ACOD1: variants seen among roughly 807,000 people sequenced by gnomAD.
ACOD1 encodes aconitate decarboxylase 1.
A neutral mutation model predicts 14.2 loss-of-function variants in ACOD1; 14 were observed. The ratio of observed to expected loss-of-function variants is 0.99; its 90% CI spans 0.65 to 1.54. The LOEUF is 1.54. Ranked by LOEUF, ACOD1 falls within the 40% of genes most tolerant of loss-of-function variation. The pLI is 0.00. For missense variants in ACOD1, 530 were observed against 586.3 expected (o/e 0.90, Z 0.99); for synonymous variants, 182 against 221.7 (o/e 0.82, Z 1.59).
chr13:76,953,742 A>C, intron 3 of ACOD1, 53 bp downstream of exon 3: 1 of 1,137,444 alleles, frequency 8.8e-7, no homozygotes, highest in South Asian at 1.3e-5. Context: ...ATAATTTTAG[A>C]GTCAGGAAAT....
Position 76,955,445 on chromosome 13 carries a change from C to A in ACOD1, c.391C>A (p.Leu131Met), listed in dbSNP as rs2033865670. Residue 131 changes from leucine (L) to methionine (M), a missense_variant, in exon 4 of 5, where the codon CTG becomes ATG. By Grantham distance (15) the Leu-to-Met change is conservative. Transcript: ENST00000377462. ...TCCAAAGTTTTCTGGCCTTGACCTG[C>A]TGCTGGCTTTCAATGTTGGTATTGA... Reference protein sequence around the residue: ...RSPKFSGLDLLLAFNVGIEVQ... With the variant: ...RSPKFSGLDLMLAFNVGIEVQ... The A allele has an allele frequency of 1.3e-6, 2 of 1,550,666 alleles. No individual in the cohort carries two copies. Among genetic ancestry groups the A allele is most frequent in the Non-Finnish European group, 1.7e-6 (2 of 1,146,998 alleles).
chr13:76,951,764 CAG>C (rs1027229357), intron 1 of ACOD1, among the ~76,000 whole-genome samples: 3 of 152,120 alleles, frequency 2.0e-5, no homozygotes, highest in African/African-American at 7.2e-5. Flanking sequence ...CTAATGAAAA[CAG>C]AATCCTGTGC....
At chr13:76,953,460 C>A in intron 2 of ACOD1, 140 bp from the exon 3 acceptor site, 1 of 567,642 alleles carries the variant, frequency 1.8e-6, no homozygotes, top group Non-Finnish European at 3.2e-6. Context: ...GAGAGGTATT[C>A]AATGACTAGG....
At position 76,957,883 on chromosome 13, in the gene ACOD1, A is replaced by T; in HGVS notation, c.1344A>T (p.Leu448=). ...AGATAGTCAAAAATCTAGAAGACCT[A>T]GAAGACTGTTCTGTGTTAACTACAC... ...LIKIVKNLED[L]EDCSVLTTLL... Residue 448 remains leucine, a synonymous_variant, in exon 5 of 5, where the codon CTA becomes CTT. Transcript: ENST00000377462. 6.4e-7 allele frequency: 1 copy of T among 1,551,044 alleles called. No homozygotes were observed. Among genetic ancestry groups the T allele is most frequent in the Non-Finnish European group, 8.7e-7 (1 of 1,147,086 alleles).
intron 3 of ACOD1, 37 bp from the exon 4 acceptor site, chr13:76,955,282 T>G: frequency 6.6e-7 from 1 of 1,524,056 alleles, no homozygotes; most frequent in Non-Finnish European, 8.9e-7. Flanking sequence ...AGGGAAAATT[T>G]AAGGCTTTTT....
At chr13:76,949,824 CCT>C (rs1396776528) in intron 1 of ACOD1, among the ~76,000 whole-genome samples, 1 of 152,110 alleles carries the variant, frequency 6.6e-6, no homozygotes, top group Non-Finnish European at 1.5e-5. Flanking sequence ...ACCCTTTCTT[CCT>C]CTCTCTTTCT....
chr13:76,957,141 A>G lies in ACOD1; in HGVS notation c.602A>G (p.Asn201Ser). The G allele has an allele frequency of 6.4e-7, 1 of 1,550,666 alleles. No individual in the cohort carries two copies. Among genetic ancestry groups the G allele is most frequent in the Non-Finnish European group, 8.7e-7 (1 of 1,147,014 alleles). The change falls in exon 5 of 5, where the codon AAT becomes AGT. Residue 201 changes from asparagine (N) to serine (S), a missense_variant. Asn to Ser is a conservative substitution (Grantham distance 46, BLOSUM62 1). Transcript: ENST00000377462. ...TCCCATGCTGGGGCACCCATGGCCA[A>G]TGCTGCCACCCAGACCAAGCCCCTC... ...AVSHAGAPMA[N>S]AATQTKPLHI...
intron 1 of ACOD1, 125 bp from the exon 2 acceptor site, chr13:76,952,364 G>C (rs1428260778): frequency 5.4e-6 from 4 of 737,556 alleles, no homozygotes; most frequent in Non-Finnish European, 8.6e-6. Flanking sequence ...AACTAAATCT[G>C]AGCAACTGGG....
Position 76,952,586 on chromosome 13 carries a change from C to G in ACOD1, c.110C>G (p.Thr37Ser). ...IQRSKRMILD[T>S]LGAGFLGTTT... ...AGGAGCAAGAGGATGATTCTAGACA[C>G]TCTGGGTGCTGGGTTCCTGGGAACC... is the stretch of plus-strand genomic sequence containing the variant. Residue 37 changes from threonine to serine, a missense_variant, in exon 2 of 5, where the codon ACT becomes AGT. Thr to Ser is a moderately conservative substitution (Grantham distance 58). Coordinates refer to ENST00000377462, the MANE Select transcript of ACOD1 (RefSeq NM_001258406.2). 10 of 1,550,506 alleles carry G rather than the reference C, an allele frequency of 6.4e-6. No individual in the cohort carries two copies. Among genetic ancestry groups the G allele is most frequent in the Non-Finnish European group, 8.7e-6 (10 of 1,146,962 alleles).
chr13:76,955,249 G>A, intron 3 of ACOD1, 70 bp from the exon 4 acceptor site: 1 of 1,133,992 alleles, frequency 8.8e-7, no homozygotes, highest in Non-Finnish European at 1.3e-6. Flanking sequence ...TAAGTCCTTA[G>A]TGGTCCAAAA....
rs1192867556 is a variant in ACOD1, at chr13:76,952,524, C to T, written c.48C>T (p.Gly16=). The change falls in exon 2 of 5, where the codon GGC becomes GGT. Residue 16 remains glycine, a synonymous_variant. Transcript: ENST00000377462. The part of the protein sequence containing the change: ...ITESFATAIH[G]LKVGHLTDRV... ...AAAGCTTTGCCACAGCAATCCATGGCTTGAAAGTGGGACACCTGACAGATC... is the reference window on the plus strand; with the variant it reads ...AAAGCTTTGCCACAGCAATCCATGGTTTGAAAGTGGGACACCTGACAGATC... The T allele has an allele frequency of 6.4e-7, 1 of 1,550,448 alleles. No individual in the cohort carries two copies. Among genetic ancestry groups the T allele is most frequent in the Admixed American group, 2.0e-5 (1 of 50,992 alleles).
Position 76,952,643 on chromosome 13 carries a change from A to C in ACOD1, c.167A>C (p.Tyr56Ser). The C allele has an allele frequency of 1.3e-6, 2 of 1,550,022 alleles. No individual in the cohort carries two copies. Among genetic ancestry groups the C allele is most frequent in the Non-Finnish European group, 1.7e-6 (2 of 1,146,810 alleles). ...GAAGTGTTTCACATAGCCAGCCAAT[A>C]TAGCAAGGTAAGAAGCTCAAGGTCT... ...TTEVFHIASQ[Y>S]SKIYSSNISS... The change falls in exon 2 of 5, where the codon TAT becomes TCT. Residue 56 changes from tyrosine to serine, a missense_variant. By Grantham distance (144) the Tyr-to-Ser change is moderately radical (BLOSUM62 -2). Transcript: ENST00000377462.
chr13:76,955,067 C>A (rs1458925900), intron 3 of ACOD1, among the ~76,000 whole-genome samples: 1 of 138,050 alleles, frequency 7.2e-6, no homozygotes, highest in Non-Finnish European at 1.5e-5. Context: ...GCAGAGGTTG[C>A]AGTGAGCCAG....
chr13:76,951,709 A>G (rs2033823354), intron 1 of ACOD1, among the ~76,000 whole-genome samples: 6 of 152,166 alleles, frequency 3.9e-5, no homozygotes, highest in Admixed American at 3.9e-4. Flanking sequence ...TAGCTGCCAT[A>G]TTGTACGTAA....
At chr13:76,955,126 C>CAAAAAAAAAAAAAAAAA (rs34230053) in intron 3 of ACOD1, among the ~76,000 whole-genome samples, 193 bp from the exon 4 acceptor site, 4 of 98,874 alleles carry the variant, frequency 4.0e-5, no homozygotes, top group Admixed American at 1.1e-4. Flanking sequence ...GACTCTGTCT[C>CAAAAAAAAAAAAAAAAA]AAAAAAAAAA....
In ACOD1 at chr13:76,957,416, C is replaced by T. The variant is rs1482411473; in HGVS notation, c.877C>T (p.His293Tyr). ...AGACGCAGCTGCATCTGTGAGAAAG[C>T]ACCTTGTAGCAGAGAGAGCCCTGCT... Reference protein sequence around the residue: ...VADAAASVRKHLVAERALLPT... With the variant: ...VADAAASVRKYLVAERALLPT... The change falls in exon 5 of 5, where the codon CAC (histidine) becomes TAC (tyrosine). Residue 293 changes from histidine (H) to tyrosine (Y), a missense_variant. Physicochemically the swap from His to Tyr is moderately conservative, Grantham distance 83. Coordinates refer to ENST00000377462, the MANE Select transcript of ACOD1 (RefSeq NM_001258406.2). 1.9e-6 allele frequency: 3 copies of T among 1,550,534 alleles called. No individual in the cohort carries two copies. The highest frequency in any genetic ancestry group is 2.7e-5 in the African/African-American group (2 of 73,066).
chr13:76,953,607 G>C lies in ACOD1; in HGVS notation c.182G>C (p.Ser61Thr), dbSNP rs2033844407. ...HIASQYSKIY[S>T]SNISSTVWGQ... is the part of the protein sequence containing the mutation. ...GATTTGCTTTTGTTCCAGATCTACA[G>C]TTCCAACATATCCAGCACTGTTTGG... The change falls in exon 3 of 5, where the codon AGT becomes ACT. Residue 61 changes from serine to threonine, a missense_variant. Transcript: ENST00000377462. 6 of 1,544,380 alleles carry C rather than the reference G, an allele frequency of 3.9e-6. No homozygotes were observed. In the East Asian group the frequency reaches 1.5e-4, roughly 38 times the overall value.
intron 3 of ACOD1, among the ~76,000 whole-genome samples, chr13:76,954,467 T>C (rs1475271172): frequency 6.6e-6 from 1 of 152,194 alleles, no homozygotes. Context: ...CAGAAAATAA[T>C]GATTTTTAAA....
In ACOD1 at chr13:76,952,799, T is replaced by C. The variant is rs575155667; in HGVS notation, c.174+149T>C. ...AATTTCCTATGTTCCATTATCTGAG[T>C]TTTAATAGTCATCCATATTCTTTAC... On this transcript the variant is annotated intron_variant, in intron 2 of 4. Coordinates refer to ENST00000377462, the MANE Select transcript of ACOD1 (RefSeq NM_001258406.2). 46 of 674,718 alleles carry C rather than the reference T, an allele frequency of 6.8e-5. No homozygotes were observed. The African/African-American group carries it at 7.0e-4, about 10-fold the overall frequency. The allele number at this position is 674,718 out of a possible 1,614,324, so 41.8% of individuals were successfully genotyped here.
Sources: allele counts gnomAD v4.1 joint callset (sites outside exome capture counted in the v4.1 genomes callset), GRCh38; gene constraint gnomAD v4.1.1; transcripts MANE v1.5; gene names NCBI Gene and HGNC (gene_info 2026-07-23, HGNC 2026-07-21).